Variants in CAD observed in about 807,000 individuals in gnomAD.
CAD encodes the protein carbamoyl-phosphate synthetase 2, aspartate transcarbamylase, and dihydroorotase.
Under a neutral mutation model 237.2 loss-of-function variants are expected in CAD, and 81 were observed. The ratio of observed to expected loss-of-function variants is 0.34; its 90% CI spans 0.29 to 0.41. CAD has a LOEUF of 0.41. Ranked by LOEUF, CAD falls within the 10% of genes least tolerant of loss-of-function variation. CAD has a pLI of 1.00. For missense variants in CAD, 2,181 were observed against 2,951.7 expected (o/e 0.74, Z 6.05); for synonymous variants, 1,196 against 1,162.8 (o/e 1.03, Z -0.58).
In CAD at chr2:27,241,819, C is replaced by T. The variant is rs1226064861; in HGVS notation, c.5884-92C>T. On this transcript the variant is annotated intron_variant, in intron 38 of 43. Transcript: ENST00000264705. This position sits in a 1 kb window ranked among gnomAD's most constrained non-coding sequence, Gnocchi z 4.6. Reference sequence around the variant, plus strand: ...GGGTGCAGAAGGGTCCTCACAGCACCCCTCAAGTGTCAGTTGGGGTGGTGG... The same window carrying T: ...GGGTGCAGAAGGGTCCTCACAGCACTCCTCAAGTGTCAGTTGGGGTGGTGG... 2.0e-6 allele frequency: 2 copies of T among 1,019,330 alleles called. No homozygotes were observed. The highest frequency in any genetic ancestry group is 3.0e-6 in the Non-Finnish European group (2 of 669,186). The allele number at this position is 1,019,330 out of a possible 1,614,324, so 63.1% of individuals were successfully genotyped here. A position where few individuals can be genotyped will look rare whatever the true frequency, so the allele number is the denominator to read the frequency against.
rs1321669701 is a variant in CAD at position 27,236,361 on chromosome 2, A to G, written c.4152A>G (p.Leu1384=). Residue 1384 remains leucine (L), a synonymous_variant, in exon 26 of 44, where the codon CTA becomes CTG. Coordinates refer to ENST00000264705, the MANE Select transcript of CAD (RefSeq NM_004341.5). This position sits in a 1 kb window ranked among gnomAD's most constrained non-coding sequence, Gnocchi z 4.1. ...CPPQRSILEQ[L]AEKNFELVIN... ...CACAGCGGAGCATCCTGGAGCAGCTAGCTGAGAAAAACTTTGAGCTGGTGA... is the reference window on the plus strand; with the variant it reads ...CACAGCGGAGCATCCTGGAGCAGCTGGCTGAGAAAAACTTTGAGCTGGTGA... 2 of 1,614,216 alleles carry G rather than the reference A, an allele frequency of 1.2e-6. No homozygotes were observed. Among genetic ancestry groups the G allele is most frequent in the Non-Finnish European group, 8.5e-7 (1 of 1,180,030 alleles).
Position 27,232,103 on chromosome 2 carries a change from C to T in CAD, c.2524C>T (p.Arg842Cys), listed in dbSNP as rs1675789925. The change falls in exon 17 of 44, where the codon CGT becomes TGT. Residue 842 changes from arginine to cysteine, a missense_variant. This residue lies in a region of CAD where 385 missense variants were observed against 535.1 expected (regional missense o/e 0.72). Coordinates refer to ENST00000264705, the MANE Select transcript of CAD (RefSeq NM_004341.5). The surrounding 1 kb of genome is among the most constrained non-coding windows in gnomAD (Gnocchi z 4.1). Reference sequence around the variant, plus strand: ...CCGCTGGTTCCTGCACCGAATGAAGCGTATCATCGCACATGCCCAGCTGCT... The same window carrying T: ...CCGCTGGTTCCTGCACCGAATGAAGTGTATCATCGCACATGCCCAGCTGCT... ...IDRWFLHRMK[R>C]IIAHAQLLEQ... is the part of the protein sequence containing the mutation. 1.1e-5 allele frequency: 17 copies of T among 1,614,222 alleles called. No homozygotes were observed. The highest frequency in any genetic ancestry group is 1.4e-5 in the Non-Finnish European group (16 of 1,180,034).
At chr2:27,226,074 C>A in intron 12 of CAD, 57 bp from the exon 13 acceptor site, 1 of 1,553,432 alleles carries the variant, frequency 6.4e-7, no homozygotes, top group South Asian at 1.1e-5. Context: ...TGGGGTGCAG[C>A]CTTCTGCCTC....
At position 27,236,689 on chromosome 2, in the gene CAD, T is replaced by C. The variant is rs1558540610; in HGVS notation, c.4315-60T>C. The C allele has an allele frequency of 5.1e-6, 8 of 1,573,682 alleles. No homozygotes were observed. The highest frequency in any genetic ancestry group is 7.0e-6 in the Non-Finnish European group (8 of 1,143,416). On this transcript the variant is annotated intron_variant, in intron 26 of 43. Coordinates refer to ENST00000264705, the MANE Select transcript of CAD (RefSeq NM_004341.5). The surrounding 1 kb of genome is among the most constrained non-coding windows in gnomAD (Gnocchi z 4.1). ...GAGCCTGGTTTATGGGAAAACCACA[T>C]CTCTCCCTACAACTCCCAGGATCAC...
rs746206275 is a variant in CAD at position 27,239,419 on chromosome 2, G to A, written c.5342G>A (p.Gly1781Asp). 1 of 1,614,084 alleles carries A rather than the reference G, an allele frequency of 6.2e-7. No homozygotes were observed. Among genetic ancestry groups the A allele is most frequent in the Non-Finnish European group, 8.5e-7 (1 of 1,179,968 alleles). Residue 1781 changes from glycine (G) to aspartate (D), a missense_variant, in exon 33 of 44, where the codon GGC becomes GAC. Gly to Asp is a moderately conservative substitution (Grantham distance 94, BLOSUM62 -1). Transcript: ENST00000264705. The surrounding 1 kb of genome is among the most constrained non-coding windows in gnomAD (Gnocchi z 4.0). ...WTPFEGQKVK[G>D]TVRRVVLRGE... ...CCTTTTGAAGGGCAGAAAGTGAAGG[G>A]CACCGTCCGCCGTGTGGTCCTGCGA...
Position 27,233,773 on chromosome 2 carries a change from C to G in CAD, c.3364C>G (p.Pro1122Ala). Residue 1122 changes from proline to alanine, a missense_variant, in exon 21 of 44, where the codon CCC (proline) becomes GCC (alanine). Transcript: ENST00000264705. This position sits in a 1 kb window ranked among gnomAD's most constrained non-coding sequence, Gnocchi z 6.3. ...SSAAAVSKEH[P>A]VVISKFIQEA... ...CGCAGCAGCCGTCTCCAAAGAGCAT[C>G]CCGTGGTCATCTCCAAGTTCATCCA... The G allele has an allele frequency of 6.2e-7, 1 of 1,614,082 alleles. No individual in the cohort carries two copies. Among genetic ancestry groups the G allele is most frequent in the Non-Finnish European group, 8.5e-7 (1 of 1,180,024 alleles).
At chr2:27,218,125 C>T in intron 2 of CAD, 109 bp downstream of exon 2, 1 of 934,990 alleles carries the variant, frequency 1.1e-6, no homozygotes, top group South Asian at 1.9e-5. Context: ...AGAAAACATA[C>T]CCACTGAAGT....
intron 43 of CAD, 23 bp downstream of exon 43, chr2:27,243,315 G>C: frequency 5.0e-6 from 8 of 1,612,520 alleles, no homozygotes; most frequent in Non-Finnish European, 6.8e-6. Flanking sequence ...CAGAGTCAGA[G>C]ACTGCCTCGG....
Position 27,241,432 on chromosome 2 carries a change from C to T in CAD, c.5883+36C>T, listed in dbSNP as rs368943725. 322 of 1,602,898 alleles carry T rather than the reference C, an allele frequency of 2.0e-4. No individual in the cohort carries two copies. Among genetic ancestry groups the T allele is most frequent in the Non-Finnish European group, 2.2e-4 (254 of 1,169,976 alleles). On this transcript the variant is annotated intron_variant, in intron 38 of 43. Transcript: ENST00000264705. This position sits in a 1 kb window ranked among gnomAD's most constrained non-coding sequence, Gnocchi z 4.6. ...GGGCCGGGGGTAGGGTCCAGGCCATCGCCTGCCCTTGGGCCGCATCAGCGC... is the reference window on the plus strand; with the variant it reads ...GGGCCGGGGGTAGGGTCCAGGCCATTGCCTGCCCTTGGGCCGCATCAGCGC...
intron 1 of CAD, 80 bp downstream of exon 1, chr2:27,217,713 C>T: frequency 1.4e-6 from 2 of 1,433,022 alleles, no homozygotes; most frequent in Non-Finnish European, 1.9e-6. Context: ...GTCCAGACCC[C>T]GCCATTTTCC....
chr2:27,229,702 C>T (rs1244558024), intron 15 of CAD, among the ~76,000 whole-genome samples: 1 of 151,210 alleles, frequency 6.6e-6, no homozygotes, highest in African/African-American at 2.4e-5. Flanking sequence ...ATGGTGAAAC[C>T]CCATCTCTAG....
Position 27,234,602 on chromosome 2 carries a change from G to A in CAD, c.3703G>A (p.Val1235Ile). 1 of 1,614,074 alleles carries A rather than the reference G, an allele frequency of 6.2e-7. No homozygotes were observed. The highest frequency in any genetic ancestry group is 8.5e-7 in the Non-Finnish European group (1 of 1,179,938). ...TTCCAAGACACTGGGTGTGGACCTA[G>A]TAGCCTTGGCCACGCGGGTCATCAT... ...FVSKTLGVDL[V>I]ALATRVIMGE... The change falls in exon 23 of 44, where the codon GTA becomes ATA. Residue 1235 changes from valine (V) to isoleucine (I), a missense_variant. Val to Ile is a conservative substitution (Grantham distance 29). Coordinates refer to ENST00000264705, the MANE Select transcript of CAD (RefSeq NM_004341.5).
At position 27,222,635 on chromosome 2, in the gene CAD, C is replaced by T; in HGVS notation, c.612C>T (p.Pro204=). 6.2e-7 allele frequency: 1 copy of T among 1,614,052 alleles called. No individual in the cohort carries two copies. The highest frequency in any genetic ancestry group is 1.6e-4 in the Middle Eastern group (1 of 6,062). The part of the protein sequence containing the change: ...CQRGAEVTVV[P]WDHALDSQEY... ...GTGGGGCTGAGGTCACTGTGGTACC[C>T]TGGGACCATGCACTAGACAGCCAAG... The change falls in exon 5 of 44, where the codon CCC becomes CCT. Residue 204 remains proline, a synonymous_variant. Transcript: ENST00000264705.
Position 27,222,117 on chromosome 2 carries a change from A to C in CAD, c.353-77A>C. ...GTGTGTGACTGGGGCTCTGGAATGG[A>C]AGTGCTTCTGGAAGTCTAACCTCAC... On this transcript the variant is annotated intron_variant, in intron 3 of 43. Coordinates refer to ENST00000264705, the MANE Select transcript of CAD (RefSeq NM_004341.5). 3 of 1,444,380 alleles carry C rather than the reference A, an allele frequency of 2.1e-6. No individual in the cohort carries two copies. In the South Asian group the frequency reaches 3.6e-5, roughly 17 times the overall value. The allele number at this position is 1,444,380 out of a possible 1,614,324, so 89.5% of individuals were successfully genotyped here. A position where few individuals can be genotyped will look rare whatever the true frequency, so the allele number is the denominator to read the frequency against.
Position 27,237,632 on chromosome 2 carries a change from C to G in CAD, c.4564-86C>G. On this transcript the variant is annotated intron_variant, in intron 28 of 43. Transcript: ENST00000264705. This position sits in a 1 kb window ranked among gnomAD's most constrained non-coding sequence, Gnocchi z 4.0. ...TCCCTGAGCCCTTTTCCTTCTGCCC[C>G]GCCCTATGGGCCCAGGCCACTGGTG... 8 of 1,573,220 alleles carry G rather than the reference C, an allele frequency of 5.1e-6. No individual in the cohort carries two copies. The highest frequency in any genetic ancestry group is 6.9e-6 in the Non-Finnish European group (8 of 1,156,766).
intron 2 of CAD, among the ~76,000 whole-genome samples, chr2:27,220,204 G>A (rs540957755): frequency 6.6e-6 from 1 of 152,162 alleles, no homozygotes; most frequent in African/African-American, 2.4e-5. Flanking sequence ...TCTGTTTCGT[G>A]ACAAAGACAC....
At position 27,225,691 on chromosome 2, in the gene CAD, TC is replaced by T; in HGVS notation, c.1621-12del. ...GGAAATAACCTGTTTGTTCATCTCT[TC>T]CACTCATTGCAGGCCCAGGCAGCCG... On this transcript the variant is annotated splice_polypyrimidine_tract_variant and intron_variant, in intron 11 of 43. Transcript: ENST00000264705. The T allele has an allele frequency of 1.3e-6, 2 of 1,591,292 alleles. No individual in the cohort carries two copies. Among genetic ancestry groups the T allele is most frequent in the Non-Finnish European group, 8.6e-7 (1 of 1,159,458 alleles).
In CAD at chr2:27,238,374, T is replaced by TGTGTAGGGCAAGGCATATGG; in HGVS notation, c.4861-53_4861-34dup. 2.0e-6 allele frequency: 3 copies of TGTGTAGGGCAAGGCATATGG among 1,505,070 alleles called. No homozygotes were observed. The South Asian group carries it at 3.9e-5, about 19-fold the overall frequency. 93.2% of individuals were successfully genotyped at this position (1,505,070 alleles called of 1,614,324 possible). Reference sequence around the variant, plus strand: ...GCAGGGATGTTGGCCATTGGGACTTTGTGTAGGGCAAGGCATATGGGTGGT... The same window carrying TGTGTAGGGCAAGGCATATGG: ...GCAGGGATGTTGGCCATTGGGACTTTGTGTAGGGCAAGGCATATGGGTGTAGGGCAAGGCATATGGGTGGT... On this transcript the variant is annotated intron_variant, in intron 30 of 43. Coordinates refer to ENST00000264705, the MANE Select transcript of CAD (RefSeq NM_004341.5).
At chr2:27,218,158 A>C in intron 2 of CAD, 142 bp downstream of exon 2, 2 of 694,164 alleles carry the variant, frequency 2.9e-6, no homozygotes, top group Non-Finnish European at 4.5e-6. Flanking sequence ...GACTAAGATC[A>C]CTAGTAACTG....
Sources: allele counts gnomAD v4.1 joint callset (sites outside exome capture counted in the v4.1 genomes callset), GRCh38; gene constraint gnomAD v4.1.1; regional missense constraint gnomAD v4.1.1; non-coding constraint Gnocchi (gnomAD v3.1); transcripts MANE v1.5; gene names NCBI Gene and HGNC (gene_info 2026-07-23, HGNC 2026-07-21).